The following MYPN variants were observed in gnomAD, a reference collection of about 807,000 sequenced individuals.
MYPN encodes the protein sarcomeric protein myopalladin, 145 kDa (MYOP).
Under a neutral mutation model 129.4 loss-of-function variants are expected in MYPN, and 63 were observed. The observed-to-expected ratio is 0.49, with a 90% CI of 0.40 to 0.60. MYPN has a LOEUF of 0.60. Ranked by LOEUF, MYPN falls within the 20% of genes least tolerant of loss-of-function variation. MYPN has a pLI of 0.00. For missense variants in MYPN, 1,596 were observed against 1,635.4 expected (o/e 0.98, Z 0.42); for synonymous variants, 629 against 600.9 (o/e 1.05, Z -0.68).
At chr10:68,121,324 G>A (rs1446970120) in intron 1 of MYPN, 114 bp from the exon 2 acceptor site, 13 of 874,024 alleles carry the variant, frequency 1.5e-5, no homozygotes. Context: ...TTAAAATTAG[G>A]CAATTCTTTA....
At chr10:68,197,617 T>G (rs2043632808) in intron 16 of MYPN, 139 bp downstream of exon 16, 1 of 1,030,010 alleles carries the variant, frequency 9.7e-7, no homozygotes, top group Non-Finnish European at 1.4e-6. Context: ...TCACTTTTTT[T>G]CATCATAAGG....
chr10:68,109,361 G>C, upstream of MYPN: 1 of 345,108 alleles, frequency 2.9e-6, no homozygotes, highest in Admixed American at 3.7e-5. Flanking sequence ...TAAAAGAACT[G>C]ATTGACCCCC....
intron 10 of MYPN, among the ~76,000 whole-genome samples, chr10:68,173,183 T>C (rs1450135153): frequency 2.0e-5 from 3 of 152,224 alleles, no homozygotes; most frequent in Non-Finnish European, 4.4e-5. Context: ...AGGTTTGTTA[T>C]CGCGAGAGAA....
At chr10:68,106,059 C>A (rs2042009450), upstream of MYPN, 14 of 445,610 alleles carry the variant, frequency 3.1e-5, no homozygotes, top group South Asian at 2.2e-4. Flanking sequence ...CCCTTCATTA[C>A]TCTGGCGGGG....
chr10:68,192,351 C>T (rs2043528309), intron 13 of MYPN, among the ~76,000 whole-genome samples: 1 of 152,148 alleles, frequency 6.6e-6, no homozygotes, highest in Non-Finnish European at 1.5e-5. Context: ...ATGAATCACA[C>T]TTGATCATGA....
At chr10:68,146,156 C>T (rs1308713703) in intron 4 of MYPN, among the ~76,000 whole-genome samples, 1 of 152,198 alleles carries the variant, frequency 6.6e-6, no homozygotes, top group Non-Finnish European at 1.5e-5. Context: ...CATACAAAGC[C>T]TTATTCAGTA....
intron 2 of MYPN, among the ~76,000 whole-genome samples, chr10:68,140,091 A>G (rs1049346595): frequency 6.6e-6 from 1 of 152,182 alleles, no homozygotes; most frequent in Non-Finnish European, 1.5e-5. Context: ...GGTCTGACTC[A>G]TGAGAAGGAC....
chr10:68,109,440 G>A (rs1394253520), upstream of MYPN: 1 of 448,496 alleles, frequency 2.2e-6, no homozygotes, highest in African/African-American at 2.0e-5. Flanking sequence ...CAGGTGGAAT[G>A]TTTCACAGGC....
chr10:68,102,336 C>T (rs1429853372), upstream of MYPN, among the ~76,000 whole-genome samples: 2 of 151,906 alleles, frequency 1.3e-5, no homozygotes, highest in Non-Finnish European at 2.9e-5. Context: ...ATCATGTTGC[C>T]CAGGCTGGTC....
At chr10:68,089,841 T>G (rs1383915400) in intron 1 of MYPN, among the ~76,000 whole-genome samples, 1 of 152,202 alleles carries the variant, frequency 6.6e-6, no homozygotes, top group Non-Finnish European at 1.5e-5. Context: ...TTATATATAA[T>G]GAAATGATTA....
intron 13 of MYPN, among the ~76,000 whole-genome samples, chr10:68,189,738 G>C (rs987228797): frequency 6.6e-6 from 1 of 152,144 alleles, no homozygotes; most frequent in Admixed American, 6.5e-5. Flanking sequence ...ATTGTGTATA[G>C]ATACCCCATT....
chr10:68,142,919 A>G, intron 2 of MYPN, 21 bp from the exon 3 acceptor site: 1 of 1,612,802 alleles, frequency 6.2e-7, no homozygotes, highest in Non-Finnish European at 8.5e-7. Flanking sequence ...ATGTCCAATG[A>G]CCATATCCTT....
chr10:68,164,075 A>T (rs1288145776), intron 8 of MYPN, among the ~76,000 whole-genome samples: 1 of 152,180 alleles, frequency 6.6e-6, no homozygotes, highest in African/African-American at 2.4e-5. Context: ...AGGTAGGAGG[A>T]TGAAGAGTTA....
chr10:68,123,978 T>C (rs2042289762), intron 2 of MYPN, among the ~76,000 whole-genome samples: 1 of 152,248 alleles, frequency 6.6e-6, no homozygotes, highest in Admixed American at 6.5e-5. Context: ...AAATGTATTA[T>C]ACACTTTCCA....
chr10:68,209,470 A>G (rs2043870036), intron 19 of MYPN, among the ~76,000 whole-genome samples: 1 of 152,128 alleles, frequency 6.6e-6, no homozygotes, highest in Admixed American at 6.5e-5. Context: ...GGTGTGAGGT[A>G]GGCACTGCTC....
At chr10:68,166,873 A>T (rs919641063) in intron 10 of MYPN, among the ~76,000 whole-genome samples, 5 of 151,848 alleles carry the variant, frequency 3.3e-5, no homozygotes, top group African/African-American at 1.2e-4. Flanking sequence ...CTAAAAGAAA[A>T]ATTTTAAAGT....
chr10:68,133,871 A>C (rs1589540734), intron 2 of MYPN, among the ~76,000 whole-genome samples: 1 of 151,492 alleles, frequency 6.6e-6, no homozygotes, highest in African/African-American at 2.4e-5. Context: ...TACACAGTAC[A>C]TGCCTACCTG....
At chr10:68,132,420 A>G (rs1472436256) in intron 2 of MYPN, among the ~76,000 whole-genome samples, 1 of 152,180 alleles carries the variant, frequency 6.6e-6, no homozygotes, top group African/African-American at 2.4e-5. Context: ...ATTTTTGTTC[A>G]AGTACAAAAT....
At chr10:68,153,970 C>G (rs919738109) in intron 6 of MYPN, among the ~76,000 whole-genome samples, 6 of 151,494 alleles carry the variant, frequency 4.0e-5, no homozygotes, top group African/African-American at 1.5e-4. Flanking sequence ...TTTTATTTAA[C>G]TCCTTCCTCT....
Sources: gnomAD v4.1 joint callset for allele counts (sites outside exome capture counted in the v4.1 genomes callset) on GRCh38, gnomAD v4.1.1 for gene constraint, MANE v1.5 for transcripts, NCBI Gene and HGNC (gene_info 2026-07-23, HGNC 2026-07-21) for gene names.